The following CNNM3 variants were observed in gnomAD, a reference collection of about 807,000 sequenced individuals.
CNNM3 encodes the protein cyclin and CBS domain divalent metal cation transport mediator 3, also known as metal transporter CNNM3.
A neutral mutation model predicts 57.1 loss-of-function variants in CNNM3; 47 were observed. That is an observed-to-expected ratio of 0.82 (90% CI 0.65 to 1.05). CNNM3 has a LOEUF of 1.05. Ranked by LOEUF, CNNM3 falls within the 50% of genes least tolerant of loss-of-function variation. The pLI is 0.00. For synonymous variants in CNNM3, 507 were observed against 478.2 expected (o/e 1.06, Z -0.79); for missense variants, 957 against 973.7 (o/e 0.98, Z 0.23).
chr2:96,819,419 C>T (rs1027932050), intron 1 of CNNM3, among the ~76,000 whole-genome samples: 37 of 152,286 alleles, frequency 2.4e-4, no homozygotes, highest in East Asian at 1.4e-3. Flanking sequence ...AACAGACCTG[C>T]GGGGGGAGAC....
chr2:96,817,182 G>A lies in CNNM3; in HGVS notation c.905G>A (p.Ser302Asn), dbSNP rs770720977. The change falls in exon 1 of 8, where the codon AGC (serine) becomes AAC (asparagine). Residue 302 changes from serine (S) to asparagine (N), a missense_variant. Transcript: ENST00000305510. ...ELARGGGDPY[S>N]DLSKGVLRCR... ...GCGCGCGGCGGCGGCGACCCCTACA[G>A]CGATCTCAGCAAGGGCGTGCTGCGC... is the stretch of plus-strand genomic sequence containing the variant. The A allele has an allele frequency of 9.0e-6, 14 of 1,557,328 alleles. No homozygotes were observed. The South Asian group carries it at 1.4e-4, about 16-fold the overall frequency.
rs1453991467 is a variant in CNNM3 at position 96,828,183 on chromosome 2, G to T, written c.1774G>T (p.Val592Leu). The T allele has an allele frequency of 1.2e-6, 2 of 1,613,862 alleles. No individual in the cohort carries two copies. The highest frequency in any genetic ancestry group is 1.7e-6 in the Non-Finnish European group (2 of 1,179,922). Reference sequence around the variant, plus strand: ...GTACTATGGAGTGTCGGCCCTAACTGTGCCATCCTCGGGTAAGCCACGGCC... The same window carrying T: ...GTACTATGGAGTGTCGGCCCTAACTTTGCCATCCTCGGGTAAGCCACGGCC... ...FTYYGVSALT[V>L]PSSVHQSPVS... The change falls in exon 5 of 8, where the codon GTG (valine) becomes TTG (leucine). Residue 592 changes from valine to leucine, a missense_variant. By Grantham distance (32) the Val-to-Leu change is conservative (BLOSUM62 1). This residue lies in a region of CNNM3 where 491 missense variants were observed against 570.6 expected (regional missense o/e 0.86). Coordinates refer to ENST00000305510, the MANE Select transcript of CNNM3 (RefSeq NM_017623.5).
Position 96,827,919 on chromosome 2 carries a change from C to T in CNNM3, c.1689+19C>T. 6.2e-7 allele frequency: 1 copy of T among 1,605,538 alleles called. No individual in the cohort carries two copies. On this transcript the variant is annotated intron_variant, in intron 4 of 7. Coordinates refer to ENST00000305510, the MANE Select transcript of CNNM3 (RefSeq NM_017623.5). ...CCTGCAGGTAGCTGTGGGTCCCAGGCCTGGAGTCCCTCCTGCTTCCTCAGG... is the reference window on the plus strand; with the variant it reads ...CCTGCAGGTAGCTGTGGGTCCCAGGTCTGGAGTCCCTCCTGCTTCCTCAGG...
intron 7 of CNNM3, among the ~76,000 whole-genome samples, chr2:96,831,020 A>G (rs1431803219): frequency 3.3e-5 from 5 of 152,230 alleles, no homozygotes; most frequent in Non-Finnish European, 5.9e-5. Context: ...CACGTGTTGT[A>G]GTGAAGATAC....
intron 7 of CNNM3, 107 bp from the exon 8 acceptor site, chr2:96,832,445 C>A: frequency 1.3e-6 from 2 of 1,569,226 alleles, no homozygotes; most frequent in South Asian, 1.2e-5. Context: ...CATCCCGAAG[C>A]ACCTGTCTTA....
At chr2:96,822,717 C>A (rs1000640626) in intron 1 of CNNM3, among the ~76,000 whole-genome samples, 1 of 152,174 alleles carries the variant, frequency 6.6e-6, no homozygotes, top group South Asian at 2.1e-4. Context: ...CAGTGAGGAG[C>A]GTCAGCACAC....
intron 1 of CNNM3, 32 bp from the exon 2 acceptor site, chr2:96,825,026 C>A: frequency 6.2e-7 from 1 of 1,610,198 alleles, no homozygotes; most frequent in Non-Finnish European, 8.5e-7. Flanking sequence ...GGGGGCCCAG[C>A]AAGCTGTTCC....
At chr2:96,821,204 T>A (rs1231258246) in intron 1 of CNNM3, among the ~76,000 whole-genome samples, 6 of 152,202 alleles carry the variant, frequency 3.9e-5, no homozygotes, top group African/African-American at 1.4e-4. Context: ...CTTTTTTCTC[T>A]GCTTCTCTAG....
intron 1 of CNNM3, among the ~76,000 whole-genome samples, chr2:96,820,123 G>T (rs539872125): frequency 6.6e-6 from 1 of 152,190 alleles, no homozygotes; most frequent in Non-Finnish European, 1.5e-5. Context: ...GGACACCAGC[G>T]CAGGGAGACC....
chr2:96,828,282 C>A, intron 5 of CNNM3, 87 bp downstream of exon 5: 1 of 1,083,524 alleles, frequency 9.2e-7, no homozygotes, highest in Non-Finnish European at 1.4e-6. Flanking sequence ...CAGTGCCCCT[C>A]CTCACCTCTC....
In CNNM3 at chr2:96,832,574, C is replaced by T. The variant is rs755469061; in HGVS notation, c.2082C>T (p.Gly694=). 8.7e-6 allele frequency: 14 copies of T among 1,614,184 alleles called. No individual in the cohort carries two copies. The highest frequency in any genetic ancestry group is 6.7e-5 in the Admixed American group (4 of 60,024). Reference sequence around the variant, plus strand: ...TAGGGTCCAGCCACAGCAGGCCCGGCGTCCCGGTGGAAGGCAGCCCTGGGC... The same window carrying T: ...TAGGGTCCAGCCACAGCAGGCCCGGTGTCCCGGTGGAAGGCAGCCCTGGGC... ...TAAGSSHSRP[G]VPVEGSPGRN... is the part of the protein sequence containing the mutation. Residue 694 remains glycine, a synonymous_variant, in exon 8 of 8, where the codon GGC becomes GGT. Transcript: ENST00000305510.
downstream of CNNM3, chr2:96,837,159 C>G (rs539108059): frequency 3.9e-5 from 6 of 152,314 alleles, no homozygotes; most frequent in African/African-American, 1.4e-4. Flanking sequence ...GATTCCTCCT[C>G]TCACTCTATT....
intron 1 of CNNM3, among the ~76,000 whole-genome samples, chr2:96,818,933 C>T (rs1458683251): frequency 6.6e-6 from 1 of 152,244 alleles, no homozygotes; most frequent in Non-Finnish European, 1.5e-5. Flanking sequence ...CCTGTCGTTG[C>T]AGGAAGCCAG....
At chr2:96,826,811 G>A (rs375141822) in intron 2 of CNNM3, 22 bp from the exon 3 acceptor site, 17 of 1,613,312 alleles carry the variant, frequency 1.1e-5, no homozygotes, top group East Asian at 2.2e-5. Context: ...ATGCCTGAGC[G>A]CGCCCTCTTC....
chr2:96,825,195 G>A lies in CNNM3; in HGVS notation c.1363G>A (p.Asp455Asn), dbSNP rs768298295. 1.9e-6 allele frequency: 3 copies of A among 1,613,942 alleles called. No individual in the cohort carries two copies. In the African/African-American group the frequency reaches 4.0e-5, roughly 22 times the overall value. Residue 455 changes from aspartate to asparagine, a missense_variant, in exon 2 of 8, where the codon GAC becomes AAC. By Grantham distance (23) the Asp-to-Asn change is conservative. Transcript: ENST00000305510. ...GTCCGAGATCCTGGACGAGTCTGAA[G>A]ACTACCGTGAGTCCAGACTCTTGGC... ...IRSEILDESE[D>N]YRDTVVKRKP...
Position 96,816,475 on chromosome 2 carries a change from C to T in CNNM3, c.198C>T (p.Leu66=), listed in dbSNP as rs373385698. ...CGGACGCCACCTTCCTCCTGCGCCTCTTCGGCCCGGGCTTCGCCAACAGCT... is the reference window on the plus strand; with the variant it reads ...CGGACGCCACCTTCCTCCTGCGCCTTTTCGGCCCGGGCTTCGCCAACAGCT... ...DTPDATFLLR[L]FGPGFANSSW... The change falls in exon 1 of 8, where the codon CTC becomes CTT. Residue 66 remains leucine, a synonymous_variant. Transcript: ENST00000305510. The T allele has an allele frequency of 9.1e-5, 133 of 1,458,730 alleles. No individual in the cohort carries two copies. Among genetic ancestry groups the T allele is most frequent in the Non-Finnish European group, 1.2e-4 (128 of 1,106,054 alleles). 90.4% of individuals were successfully genotyped at this position (1,458,730 alleles called of 1,614,324 possible).
Position 96,835,201 on chromosome 2 carries a change from G to C in CNNM3, c.*2585G>C, listed in dbSNP as rs2079671913. ...GGGAGCATAGTGTGTAAGCATTCGG[G>C]ATTGTCTTTTTTCACTCGGCGTCAT... On this transcript the variant is annotated 3_prime_UTR_variant, in exon 8 of 8. Coordinates refer to ENST00000305510, the MANE Select transcript of CNNM3 (RefSeq NM_017623.5). 6.6e-6 allele frequency among the ~76,000 whole-genome samples: 1 copy of C among 152,154 alleles called. No homozygotes were observed. The highest frequency in any genetic ancestry group is 2.4e-5 in the African/African-American group (1 of 41,432).
chr2:96,825,238 G>T (rs745761046), intron 2 of CNNM3, 37 bp downstream of exon 2: 3 of 1,609,054 alleles, frequency 1.9e-6, no homozygotes, highest in Non-Finnish European at 2.5e-6. Flanking sequence ...TCTCCGCTGG[G>T]CCTGCACACT....
rs1221877810 is a variant in CNNM3 at position 96,829,453 on chromosome 2, A to G, written c.2059+319A>G. 2.0e-5 allele frequency among the ~76,000 whole-genome samples: 3 copies of G among 151,502 alleles called. No homozygotes were observed. In the East Asian group the frequency reaches 5.8e-4, roughly 29 times the overall value. On this transcript the variant is annotated intron_variant, in intron 7 of 7. Coordinates refer to ENST00000305510, the MANE Select transcript of CNNM3 (RefSeq NM_017623.5). ...GTAGCTGGGAATACAGGCGCCCACG[A>G]CCACGCCTGGCCAATTTTTGTATTT...
Sources: gnomAD v4.1 joint callset for allele counts (sites outside exome capture counted in the v4.1 genomes callset) on GRCh38, gnomAD v4.1.1 for gene constraint, gnomAD v4.1.1 regional missense constraint, MANE v1.5 for transcripts, NCBI Gene and HGNC (gene_info 2026-07-23, HGNC 2026-07-21) for gene names.